Variants in LRRN4 observed in about 807,000 individuals in gnomAD.
LRRN4 encodes the protein leucine-rich repeat neuronal protein 4.
A neutral mutation model predicts 22.3 loss-of-function variants in LRRN4; 26 were observed. The ratio of observed to expected loss-of-function variants is 1.16; its 90% CI spans 0.85 to 1.62. The LOEUF is 1.62. LRRN4 is among the 40% of genes most tolerant of loss of function. The pLI is 0.00. For synonymous variants in LRRN4, 496 were observed against 486.2 expected, an observed-to-expected ratio of 1.02 and a Z score of -0.26; for missense variants, 1,070 against 1,008.5, an observed-to-expected ratio of 1.06 and a Z score of -0.83.
At chr20:6,044,439 C>G in intron 4 of LRRN4, 104 bp downstream of exon 4, 1 of 1,209,916 alleles carries the variant, frequency 8.3e-7, no homozygotes, top group South Asian at 3.4e-5. Context: ...CCCAACATGG[C>G]CAAAGTGCCA....
chr20:6,052,224 C>G lies in LRRN4; in HGVS notation c.576G>C (p.Glu192Asp). The G allele has an allele frequency of 6.3e-7, 1 of 1,580,164 alleles. No homozygotes were observed. The highest frequency in any genetic ancestry group is 8.6e-7 in the Non-Finnish European group (1 of 1,163,914). The change falls in exon 2 of 5, where the codon GAG becomes GAC. Residue 192 changes from glutamate to aspartate, a missense_variant. By Grantham distance (45) the Glu-to-Asp change is conservative. Transcript: ENST00000378858. ...CGCCATCCTCTCCAGCGAACGCCGC[C>G]TCGGCGATGCCCCCCTGGGCTCCGC... The part of the protein sequence containing the change: ...LGRGAQGGIA[E>D]AAFAGEDGAP...
chr20:6,041,460 C>T lies in LRRN4; in HGVS notation c.1785G>A (p.Ser595=), dbSNP rs373267149. ...LQGVTETTDT[S]ALVHWCAPNS... ...TGGGGGCACACCAGTGGACCAGCGC[C>T]GACGTGTCCGTGGTCTCCGTCACCC... Residue 595 remains serine (S), a synonymous_variant, in exon 5 of 5, where the codon TCG becomes TCA. Coordinates refer to ENST00000378858, the MANE Select transcript of LRRN4 (RefSeq NM_152611.5). The surrounding 1 kb of genome is among the most constrained non-coding windows in gnomAD (Gnocchi z 9.4). 5.1e-6 allele frequency: 8 copies of T among 1,555,062 alleles called. No individual in the cohort carries two copies. The highest frequency in any genetic ancestry group is 1.7e-4 in the Middle Eastern group (1 of 5,792).
rs2123048267 is a variant in LRRN4, at chr20:6,040,793, T to C, written c.*229A>G. The stretch of plus-strand genomic sequence containing the variant: ...AAGGCCTGGCGGCAGTGGGGAGCGA[T>C]CTGGCATTGACCATCAGGTTTCTGG... On this transcript the variant is annotated 3_prime_UTR_variant, in exon 5 of 5. Transcript: ENST00000378858. 1 of 605,944 alleles carries C rather than the reference T, an allele frequency of 1.7e-6. No individual in the cohort carries two copies. Among genetic ancestry groups the C allele is most frequent in the East Asian group, 3.0e-5 (1 of 33,526 alleles). The allele number at this position is 605,944 out of a possible 1,614,324, so 37.5% of individuals were successfully genotyped here. A position where few individuals can be genotyped will look rare whatever the true frequency, so the allele number is the denominator to read the frequency against.
In LRRN4 at chr20:6,050,787, C is replaced by A; in HGVS notation, c.852G>T (p.Leu284=). 6.2e-7 allele frequency: 1 copy of A among 1,613,436 alleles called. No homozygotes were observed. Among genetic ancestry groups the A allele is most frequent in the Non-Finnish European group, 8.5e-7 (1 of 1,179,820 alleles). The change falls in exon 3 of 5, where the codon CTG becomes CTT. Residue 284 remains leucine, a synonymous_variant. Transcript: ENST00000378858. The part of the protein sequence containing the change: ...FQDTPHLQVL[L]FQNCNLSSFP... ...GCCTCAGAAGCACTTACTTCTGGAACAGAAGGACCTGTAGATGTGGAGTAT... is the reference window on the plus strand; with the variant it reads ...GCCTCAGAAGCACTTACTTCTGGAAAAGAAGGACCTGTAGATGTGGAGTAT...
chr20:6,053,187 C>T (rs2123061305), intron 1 of LRRN4, among the ~76,000 whole-genome samples: 1 of 152,294 alleles, frequency 6.6e-6, no homozygotes, highest in Middle Eastern at 3.4e-3. Flanking sequence ...TTGCTGCAAA[C>T]TCTCCCCAGG....
At position 6,052,756 on chromosome 20, in the gene LRRN4, G is replaced by C. The variant is rs751583373; in HGVS notation, c.44C>G (p.Pro15Arg). Residue 15 changes from proline to arginine, a missense_variant, in exon 2 of 5, where the codon CCC becomes CGC. Pro to Arg is a moderately radical substitution (Grantham distance 103). Coordinates refer to ENST00000378858, the MANE Select transcript of LRRN4 (RefSeq NM_152611.5). ...LPLLLLTVLRPSWADPPQEKV... is the reference protein window; with the variant it reads ...LPLLLLTVLRRSWADPPQEKV... ...CTCCTGGGGAGGGTCTGCCCAGCTG[G>C]GGCGCAGCACCGTCAGCAGCAGCAG... 32 of 1,574,952 alleles carry C rather than the reference G, an allele frequency of 2.0e-5. No homozygotes were observed. Among genetic ancestry groups the C allele is most frequent in the Non-Finnish European group, 2.6e-5 (30 of 1,168,234 alleles).
At chr20:6,047,428 A>ACACT (rs748586223) in intron 3 of LRRN4, among the ~76,000 whole-genome samples, 1,257 of 45,552 alleles carry the variant, frequency 0.028, 6 homozygotes, top group African/African-American at 0.07. Context: ...ACACACATAC[A>ACACT]CACACACACA....
chr20:6,053,002 C>G (rs927740528), intron 1 of LRRN4, among the ~76,000 whole-genome samples, 198 bp from the exon 2 acceptor site: 10 of 152,112 alleles, frequency 6.6e-5, no homozygotes, highest in Non-Finnish European at 4.4e-5. Context: ...CTGTCGTCTC[C>G]CCTAGGAGCA....
intron 2 of LRRN4, 63 bp downstream of exon 2, chr20:6,052,082 G>C (rs1001469610): frequency 2.6e-6 from 4 of 1,509,884 alleles, no homozygotes; most frequent in South Asian, 1.3e-5. Flanking sequence ...CTGCCCCCCG[G>C]AGCGCACGCG....
intron 4 of LRRN4, 84 bp downstream of exon 4, chr20:6,044,457 TCA>T (rs1981054429): frequency 7.8e-7 from 1 of 1,279,718 alleles, no homozygotes; most frequent in East Asian, 3.0e-5. Flanking sequence ...CCAAGCATGG[TCA>T]CATGAGCAAG....
intron 3 of LRRN4, among the ~76,000 whole-genome samples, chr20:6,047,198 T>G (rs552362894): frequency 1.3e-5 from 2 of 152,268 alleles, no homozygotes; most frequent in East Asian, 3.9e-4. Flanking sequence ...TGGTTCCTGA[T>G]GCATGTCACA....
intron 1 of LRRN4, among the ~76,000 whole-genome samples, chr20:6,053,552 G>T (rs1216964481): frequency 6.6e-6 from 1 of 152,162 alleles, no homozygotes; most frequent in African/African-American, 2.4e-5. Flanking sequence ...GGTCAGCTAG[G>T]AGATCAAGCA....
In LRRN4 at chr20:6,052,473, G is replaced by A. The variant is rs749504932; in HGVS notation, c.327C>T (p.Asn109=). Residue 109 remains asparagine, a synonymous_variant, in exon 2 of 5, where the codon AAC becomes AAT. Transcript: ENST00000378858. ...EQLQVLTLRH[N]RIAALRWGPG... ...GGCCCCAGCGCAGCGCGGCGATGCG[G>A]TTGTGGCGCAGGGTCAGCACCTGCA... 3 of 1,568,634 alleles carry A rather than the reference G, an allele frequency of 1.9e-6. No individual in the cohort carries two copies. The highest frequency in any genetic ancestry group is 8.6e-7 in the Non-Finnish European group (1 of 1,166,218).
In LRRN4 at chr20:6,040,891, G is replaced by T; in HGVS notation, c.*131C>A. 8.0e-7 allele frequency: 1 copy of T among 1,252,922 alleles called. No homozygotes were observed. Among genetic ancestry groups the T allele is most frequent in the Non-Finnish European group, 1.1e-6 (1 of 908,498 alleles). The allele number at this position is 1,252,922 out of a possible 1,614,324, so 77.6% of individuals were successfully genotyped here. A position where few individuals can be genotyped will look rare whatever the true frequency, so the allele number is the denominator to read the frequency against. The stretch of plus-strand genomic sequence containing the variant: ...AGACACTCAGTGTGGCAAGTTCCAT[G>T]TGTGCTCAAGGCATTCTGGCTTCAC... On this transcript the variant is annotated 3_prime_UTR_variant, in exon 5 of 5. Transcript: ENST00000378858.
Position 6,052,239 on chromosome 20 carries a change from C to A in LRRN4, c.561G>T (p.Gln187His). Residue 187 changes from glutamine to histidine, a missense_variant, in exon 2 of 5, where the codon CAG becomes CAT. Physicochemically the swap from Gln to His is conservative, Grantham distance 24 (BLOSUM62 0). Transcript: ENST00000378858. ...CGAACGCCGCCTCGGCGATGCCCCC[C>A]TGGGCTCCGCGACCCAGCGCGGTGC... ...LSCTALGRGA[Q>H]GGIAEAAFAG... 6.4e-7 allele frequency: 1 copy of A among 1,566,222 alleles called. No individual in the cohort carries two copies. Among genetic ancestry groups the A allele is most frequent in the Admixed American group, 1.9e-5 (1 of 53,428 alleles).
In LRRN4 at chr20:6,041,123, G is replaced by A. The variant is rs760763590; in HGVS notation, c.2122C>T (p.Arg708Trp). Residue 708 changes from arginine (R) to tryptophan (W), a missense_variant, in exon 5 of 5, where the codon CGG (arginine) becomes TGG (tryptophan). Physicochemically the swap from Arg to Trp is moderately radical, Grantham distance 101. Transcript: ENST00000378858. This position sits in a 1 kb window ranked among gnomAD's most constrained non-coding sequence, Gnocchi z 9.4. ...TVVLSACLCRRGQTLGLQRCD... is the reference protein window; with the variant it reads ...TVVLSACLCRWGQTLGLQRCD... ...CGCTGCAGGCCCAGCGTCTGGCCCCGCCTGCAGAGACATGCGGACAGCACC... is the reference window on the plus strand; with the variant it reads ...CGCTGCAGGCCCAGCGTCTGGCCCCACCTGCAGAGACATGCGGACAGCACC... 4.4e-5 allele frequency: 71 copies of A among 1,611,526 alleles called. No individual in the cohort carries two copies. Among genetic ancestry groups the A allele is most frequent in the East Asian group, 1.1e-4 (5 of 44,814 alleles).
chr20:6,047,425 TACACACACACACACACAC>T (rs57188958), intron 3 of LRRN4, among the ~76,000 whole-genome samples: 2 of 128,378 alleles, frequency 1.6e-5, no homozygotes, highest in Non-Finnish European at 3.5e-5. Context: ...CAGACACACA[TACACACACACACACACAC>T]ACACACACAC....
At chr20:6,042,503 A>ACCATAGCTAG (rs1980993580) in intron 4 of LRRN4, among the ~76,000 whole-genome samples, 1 of 152,096 alleles carries the variant, frequency 6.6e-6, no homozygotes, top group African/African-American at 2.4e-5. Flanking sequence ...TGCCCAAGAC[A>ACCATAGCTAG]CCATAGCTAG....
In LRRN4 at chr20:6,041,704, A is replaced by G. The variant is rs1257760142; in HGVS notation, c.1541T>C (p.Leu514Pro). ...CAAGACTGGAATCTCGCCCTCGGAA[A>G]GACTCGGGTTGGGGGCTTGGGGTGT... is the stretch of plus-strand genomic sequence containing the variant. Reference protein sequence around the residue: ...HATPQAPNPSLSEGEIPVLLL... With the variant: ...HATPQAPNPSPSEGEIPVLLL... The change falls in exon 5 of 5, where the codon CTT (leucine) becomes CCT (proline). Residue 514 changes from leucine to proline, a missense_variant. By Grantham distance (98) the Leu-to-Pro change is moderately conservative. Transcript: ENST00000378858. The surrounding 1 kb of genome is among the most constrained non-coding windows in gnomAD (Gnocchi z 9.4). 3.7e-6 allele frequency: 6 copies of G among 1,613,232 alleles called. No homozygotes were observed. Among genetic ancestry groups the G allele is most frequent in the Non-Finnish European group, 5.1e-6 (6 of 1,179,454 alleles).
Sources: gnomAD v4.1 joint callset for allele counts (sites outside exome capture counted in the v4.1 genomes callset) on GRCh38, gnomAD v4.1.1 for gene constraint, Gnocchi (gnomAD v3.1) non-coding constraint, MANE v1.5 for transcripts, NCBI Gene and HGNC (gene_info 2026-07-23, HGNC 2026-07-21) for gene names.